The following KATNIP variants were observed in gnomAD, a reference collection of about 807,000 sequenced individuals.
KATNIP encodes katanin interacting protein, also known as katanin-interacting protein.
In KATNIP, 126 loss-of-function variants were observed where a neutral mutation model predicts 174.0. The ratio of observed to expected loss-of-function variants is 0.72; its 90% CI spans 0.63 to 0.84. The LOEUF (loss-of-function observed/expected upper bound fraction) is 0.84. Ranked by LOEUF, KATNIP falls within the 40% of genes least tolerant of loss-of-function variation. The probability of loss-of-function intolerance (pLI) is 0.00; values close to 1 mark genes in which losing one functional copy is unlikely to be tolerated. For synonymous variants in KATNIP, 810 were observed against 835.7 expected, an observed-to-expected ratio of 0.97 and a Z score of 0.53; for missense variants, 1,958 against 2,109.7, an observed-to-expected ratio of 0.93 and a Z score of 1.41.
chr16:27,665,187 C>T (rs2077640930), intron 6 of KATNIP, among the ~76,000 whole-genome samples: 3 of 150,178 alleles, frequency 2.0e-5, no homozygotes, highest in South Asian at 4.2e-4. Context: ...TATGCAGCAG[C>T]GCACCTCCTG....
At chr16:27,591,586 A>T (rs2075167949) in intron 2 of KATNIP, among the ~76,000 whole-genome samples, 1 of 152,058 alleles carries the variant, frequency 6.6e-6, no homozygotes, top group East Asian at 1.9e-4. Context: ...TCACCTCTCA[A>T]ATGGGGATAA....
chr16:27,671,707 C>G (rs1157652588), intron 6 of KATNIP, among the ~76,000 whole-genome samples: 1 of 152,208 alleles, frequency 6.6e-6, no homozygotes, highest in East Asian at 1.9e-4. Context: ...TGTTTCCATC[C>G]TTGTCCCACC....
chr16:27,771,941 G>A (rs1331382458), intron 22 of KATNIP, among the ~76,000 whole-genome samples: 1 of 152,174 alleles, frequency 6.6e-6, no homozygotes, highest in Non-Finnish European at 1.5e-5. Context: ...GACTGGGGAA[G>A]GGGGGTGTCC....
At chr16:27,609,378 CTTTTTTTTT>C (rs35339029) in intron 2 of KATNIP, among the ~76,000 whole-genome samples, 2 of 55,634 alleles carry the variant, frequency 3.6e-5, no homozygotes, top group African/African-American at 8.2e-5. Context: ...TGAGTTAAGT[CTTTTTTTTT>C]TTTTTTTTTT....
chr16:27,628,539 C>A, intron 3 of KATNIP, 122 bp from the exon 4 acceptor site: 1 of 1,061,000 alleles, frequency 9.4e-7, no homozygotes. Flanking sequence ...GCTGGGCACA[C>A]GCCCCCTGGG....
At chr16:27,757,891 T>G (rs2081799650) in intron 18 of KATNIP, among the ~76,000 whole-genome samples, 1 of 152,084 alleles carries the variant, frequency 6.6e-6, no homozygotes. Context: ...GACTTGCTAA[T>G]TTGCAGATGA....
intron 8 of KATNIP, among the ~76,000 whole-genome samples, chr16:27,684,244 G>C (rs1214578410): frequency 6.6e-6 from 1 of 152,152 alleles, no homozygotes; most frequent in Non-Finnish European, 1.5e-5. Flanking sequence ...GGCACAGAGA[G>C]GTTAAGGAAT....
chr16:27,738,096 A>G (rs2080964118), intron 14 of KATNIP, among the ~76,000 whole-genome samples: 1 of 152,216 alleles, frequency 6.6e-6, no homozygotes, highest in South Asian at 2.1e-4. Context: ...CCTTAGCAGT[A>G]GAAAGGAAAG....
chr16:27,691,061 C>A (rs2078714785), intron 8 of KATNIP, among the ~76,000 whole-genome samples: 1 of 152,098 alleles, frequency 6.6e-6, no homozygotes, highest in East Asian at 1.9e-4. Flanking sequence ...CTATAATAGA[C>A]CCTTGTTGTC....
chr16:27,654,579 C>T, intron 6 of KATNIP: 1 of 1,351,820 alleles, frequency 7.4e-7, no homozygotes, highest in Non-Finnish European at 9.8e-7. Flanking sequence ...TTGTTTTTAC[C>T]ATGCCCAGTT....
intron 2 of KATNIP, among the ~76,000 whole-genome samples, chr16:27,605,503 TG>T (rs1470389075): frequency 3.3e-5 from 5 of 152,192 alleles, no homozygotes; most frequent in African/African-American, 4.8e-5. Context: ...AGGTATGTAT[TG>T]GTAGCAATAA....
chr16:27,767,672 T>C (rs949731113), intron 20 of KATNIP, among the ~76,000 whole-genome samples: 1 of 152,162 alleles, frequency 6.6e-6, no homozygotes, highest in Non-Finnish European at 1.5e-5. Flanking sequence ...GATCTCATCA[T>C]TGCACTCTAG....
chr16:27,671,115 C>G (rs1396724642), intron 6 of KATNIP, among the ~76,000 whole-genome samples: 33 of 152,264 alleles, frequency 2.2e-4, no homozygotes, highest in Non-Finnish European at 4.4e-5. Context: ...ATCGCTTGAA[C>G]CCAGGAGGCA....
At chr16:27,618,946 A>C (rs1335449434) in intron 3 of KATNIP, among the ~76,000 whole-genome samples, 1 of 152,198 alleles carries the variant, frequency 6.6e-6, no homozygotes, top group Admixed American at 6.5e-5. Flanking sequence ...TTTGAAGTTA[A>C]AGTAGGACTG....
chr16:27,662,618 T>G (rs1264332811), intron 6 of KATNIP, among the ~76,000 whole-genome samples: 2 of 152,184 alleles, frequency 1.3e-5, no homozygotes, highest in African/African-American at 4.8e-5. Context: ...AAGTAAGAGA[T>G]GTAGTGATCC....
intron 5 of KATNIP, among the ~76,000 whole-genome samples, chr16:27,636,212 G>A (rs1190570847): frequency 1.3e-5 from 2 of 152,098 alleles, no homozygotes; most frequent in South Asian, 2.1e-4. Flanking sequence ...TGGCCCCCAC[G>A]CTGGGCCATC....
chr16:27,728,483 T>G (rs1762562978), intron 14 of KATNIP, among the ~76,000 whole-genome samples: 1 of 152,164 alleles, frequency 6.6e-6, no homozygotes, highest in Non-Finnish European at 1.5e-5. Flanking sequence ...CAGGCTGGAG[T>G]GCAGTGGCCT....
At chr16:27,698,223 G>T in intron 8 of KATNIP, 105 bp from the exon 9 acceptor site, 1 of 1,187,524 alleles carries the variant, frequency 8.4e-7, no homozygotes, top group South Asian at 1.6e-5. Context: ...TGGAGAGTAT[G>T]GGCCAGTTGT....
At chr16:27,768,789 C>T (rs1292576275) in intron 20 of KATNIP, among the ~76,000 whole-genome samples, 4 of 152,260 alleles carry the variant, frequency 2.6e-5, no homozygotes, top group South Asian at 2.1e-4. Context: ...GCTGAAGGAA[C>T]GAGGGGCCCC....
Sources: allele counts gnomAD v4.1 joint callset (sites outside exome capture counted in the v4.1 genomes callset), GRCh38; gene constraint gnomAD v4.1.1; transcripts MANE v1.5; gene names NCBI Gene and HGNC (gene_info 2026-07-23, HGNC 2026-07-21).